PTPRJ: variants seen among roughly 807,000 people sequenced by gnomAD.
PTPRJ encodes the protein receptor-type tyrosine-protein phosphatase eta.
A neutral mutation model predicts 141.3 loss-of-function variants in PTPRJ; 129 were observed. The ratio of observed to expected loss-of-function variants is 0.91; its 90% confidence interval spans 0.79 to 1.06. The LOEUF (loss-of-function observed/expected upper bound fraction) is 1.06, where lower values mean the gene tolerates loss of function less well. Among genes scored for constraint, PTPRJ ranks in the 50% least tolerant of loss-of-function variants. The pLI, the probability that PTPRJ is intolerant of heterozygous loss-of-function variation, is 0.00. For synonymous variants in PTPRJ, 610 were observed against 640.5 expected (o/e 0.95, Z 0.72); for missense variants, 1,601 against 1,679.7 (o/e 0.95, Z 0.82).
At chr11:48,029,577 A>C (rs1033840164) in intron 1 of PTPRJ, among the ~76,000 whole-genome samples, 1 of 152,216 alleles carries the variant, frequency 6.6e-6, no homozygotes, top group Non-Finnish European at 1.5e-5. Flanking sequence ...TTTTTATTTA[A>C]TGTGGATTAA....
chr11:48,145,308 C>T (rs1857324432), intron 14 of PTPRJ, among the ~76,000 whole-genome samples, 184 bp downstream of exon 14: 2 of 152,266 alleles, frequency 1.3e-5, no homozygotes, highest in East Asian at 1.9e-4. Context: ...CTCCGAGGTC[C>T]CACAGCCTGG....
intron 1 of PTPRJ, among the ~76,000 whole-genome samples, chr11:48,042,722 G>C (rs1482069830): frequency 6.6e-6 from 1 of 151,660 alleles, no homozygotes; most frequent in Non-Finnish European, 1.5e-5. Context: ...CTATGGCCCT[G>C]GGTTCTGACT....
At chr11:48,022,565 A>G (rs1853681117) in intron 1 of PTPRJ, among the ~76,000 whole-genome samples, 1 of 151,678 alleles carries the variant, frequency 6.6e-6, no homozygotes, top group Non-Finnish European at 1.5e-5. Context: ...GCCTGTTTCT[A>G]ACACTGTATG....
At chr11:48,130,333 A>G in intron 7 of PTPRJ, 126 bp from the exon 8 acceptor site, 1 of 990,704 alleles carries the variant, frequency 1.0e-6, no homozygotes, top group South Asian at 1.7e-5. Flanking sequence ...GTGATGATAC[A>G]AAGAAGACAG....
At chr11:48,021,069 G>C (rs1458069277) in intron 1 of PTPRJ, among the ~76,000 whole-genome samples, 1 of 152,120 alleles carries the variant, frequency 6.6e-6, no homozygotes, top group African/African-American at 2.4e-5. Context: ...GCCCAGCCCA[G>C]AACCCTTAAC....
chr11:48,068,972 C>G (rs140826681), intron 1 of PTPRJ, among the ~76,000 whole-genome samples: 1 of 152,332 alleles, frequency 6.6e-6, no homozygotes, highest in African/African-American at 2.4e-5. Context: ...CATTCCAAAT[C>G]TGCCCCAGGG....
At chr11:48,016,761 G>T (rs1854959188) in intron 1 of PTPRJ, among the ~76,000 whole-genome samples, 1 of 152,120 alleles carries the variant, frequency 6.6e-6, no homozygotes, top group African/African-American at 2.4e-5. Context: ...TCTGCATTGT[G>T]CTAATGATGG....
chr11:48,097,515 A>G (rs1856040113), intron 1 of PTPRJ, among the ~76,000 whole-genome samples: 1 of 152,140 alleles, frequency 6.6e-6, no homozygotes, highest in Non-Finnish European at 1.5e-5. Flanking sequence ...TGTTCTTGCC[A>G]GATTAAATGG....
intron 1 of PTPRJ, among the ~76,000 whole-genome samples, chr11:48,044,223 C>T (rs1392825068): frequency 1.3e-5 from 2 of 152,176 alleles, no homozygotes; most frequent in African/African-American, 2.4e-5. Context: ...TGTTTTGAGG[C>T]GTATGTGCTT....
At chr11:48,114,207 G>T (rs769442152) in intron 3 of PTPRJ, among the ~76,000 whole-genome samples, 13 of 152,126 alleles carry the variant, frequency 8.5e-5, no homozygotes, top group Non-Finnish European at 1.6e-4. Flanking sequence ...GGGAGGCTAA[G>T]GTGGGTGATC....
chr11:48,057,366 C>G (rs1008339797), intron 1 of PTPRJ, among the ~76,000 whole-genome samples: 1 of 152,158 alleles, frequency 6.6e-6, no homozygotes, highest in Admixed American at 6.5e-5. Context: ...TTTCAGATTT[C>G]GGAACCACTT....
chr11:48,020,218 T>C (rs1855077234), intron 1 of PTPRJ, among the ~76,000 whole-genome samples: 1 of 152,214 alleles, frequency 6.6e-6, no homozygotes, highest in African/African-American at 2.4e-5. Flanking sequence ...CATTAAATAT[T>C]GCTTTGTGGG....
chr11:48,159,756 G>T (rs1857716622), intron 21 of PTPRJ, among the ~76,000 whole-genome samples, 174 bp from the exon 22 acceptor site: 1 of 152,100 alleles, frequency 6.6e-6, no homozygotes. Flanking sequence ...AGCATAGTGA[G>T]ACCCTGTCTC....
chr11:48,099,444 C>T (rs999649891), intron 1 of PTPRJ, among the ~76,000 whole-genome samples: 4 of 152,016 alleles, frequency 2.6e-5, no homozygotes, highest in Non-Finnish European at 4.4e-5. Context: ...TGGCTGGTTT[C>T]GCAGTACAAG....
chr11:48,067,370 C>T (rs562074462), intron 1 of PTPRJ, among the ~76,000 whole-genome samples: 2 of 152,192 alleles, frequency 1.3e-5, no homozygotes, highest in Non-Finnish European at 2.9e-5. Flanking sequence ...GCCAGACTTG[C>T]TTGCACTTTC....
intron 1 of PTPRJ, among the ~76,000 whole-genome samples, chr11:48,079,871 C>G (rs750073444): frequency 2.8e-4 from 43 of 152,120 alleles, no homozygotes; most frequent in South Asian, 4.1e-4. Flanking sequence ...GTGCTGCCCA[C>G]TGAACTCTCT....
At chr11:48,115,124 G>C (rs560472660) in intron 3 of PTPRJ, among the ~76,000 whole-genome samples, 6 of 152,244 alleles carry the variant, frequency 3.9e-5, no homozygotes, top group Non-Finnish European at 7.4e-5. Context: ...AAGATAAAGA[G>C]GTAGAAAGCT....
intron 1 of PTPRJ, among the ~76,000 whole-genome samples, chr11:48,082,409 A>ATT (rs1855583769): frequency 6.4e-5 from 5 of 78,354 alleles, no homozygotes; most frequent in Admixed American, 1.9e-4. Context: ...ATACCTGGCA[A>ATT]ATTTTTTTTT....
chr11:48,146,543 G>A (rs1327186346), intron 14 of PTPRJ, among the ~76,000 whole-genome samples: 2 of 152,146 alleles, frequency 1.3e-5, no homozygotes, highest in South Asian at 4.1e-4. Context: ...AAATGTCAGA[G>A]GTGGCAGGAA....
Sources: allele counts gnomAD v4.1 joint callset (sites outside exome capture counted in the v4.1 genomes callset), GRCh38; gene constraint gnomAD v4.1.1; transcripts MANE v1.5; gene names NCBI Gene and HGNC (gene_info 2026-07-23, HGNC 2026-07-21).